The following TNXB variants were observed in gnomAD, a reference collection of about 807,000 sequenced individuals.
The protein encoded by TNXB is tenascin-X.
Under a neutral mutation model 340.5 loss-of-function variants are expected in TNXB, and 183 were observed. The observed-to-expected ratio is 0.54, with a 90% CI of 0.48 to 0.61. The LOEUF (loss-of-function observed/expected upper bound fraction) is 0.61, where lower values mean the gene tolerates loss of function less well. Among genes scored for constraint, TNXB ranks in the 20% least tolerant of loss-of-function variants. TNXB has a pLI of 0.00. For synonymous variants in TNXB, 2,121 were observed against 2,314.5 expected (o/e 0.92, Z 2.40); for missense variants, 4,613 against 5,446.4 (o/e 0.85, Z 4.82).
chr6:32,086,596 G>A (rs1042291653), intron 6 of TNXB, among the ~76,000 whole-genome samples: 1 of 152,160 alleles, frequency 6.6e-6, no homozygotes, highest in Admixed American at 6.5e-5. Flanking sequence ...TGGGCCCTAT[G>A]GGGGAAGAAG....
In TNXB at chr6:32,088,958, C is replaced by T. The variant is rs369269279; in HGVS notation, c.2606G>A (p.Arg869Gln). ...GGCACTGACGTAGGACACCACAAATCGGTCCACCTCAGCCTGGGGACGCAG... is the reference window on the plus strand; with the variant it reads ...GGCACTGACGTAGGACACCACAAATTGGTCCACCTCAGCCTGGGGACGCAG... ...GWLRPQAEVD[R>Q]FVVSYVSAGN... The change falls in exon 6 of 44, where the codon CGA (arginine) becomes CAA (glutamine). Residue 869 changes from arginine to glutamine, a missense_variant. Coordinates refer to ENST00000644971, the MANE Select transcript of TNXB (RefSeq NM_001365276.2). 9 of 1,609,170 alleles carry T rather than the reference C, an allele frequency of 5.6e-6. No individual in the cohort carries two copies. Among genetic ancestry groups the T allele is most frequent in the African/African-American group, 4.0e-5 (3 of 74,860 alleles).
In TNXB at chr6:32,074,371, C is replaced by T. The variant is rs1254506722; in HGVS notation, c.4376-419G>A. On this transcript the variant is annotated intron_variant, in intron 11 of 43. Coordinates refer to ENST00000644971, the MANE Select transcript of TNXB (RefSeq NM_001365276.2). This position sits in a 1 kb window ranked among gnomAD's most constrained non-coding sequence, Gnocchi z 5.5. ...CCGCATGATGGTTTTGATGTAAAAGCGCATTGATCTGAACATCTGTCTGGT... is the reference window on the plus strand; with the variant it reads ...CCGCATGATGGTTTTGATGTAAAAGTGCATTGATCTGAACATCTGTCTGGT... Among the ~76,000 whole-genome samples, 1 of 152,166 alleles carries T rather than the reference C, an allele frequency of 6.6e-6. No individual in the cohort carries two copies. The highest frequency in any genetic ancestry group is 1.9e-4 in the East Asian group (1 of 5,190).
At position 32,086,066 on chromosome 6, in the gene TNXB, G is replaced by T; in HGVS notation, c.2832C>A (p.Gly944=). 1 of 1,586,492 alleles carries T rather than the reference G, an allele frequency of 6.3e-7. No homozygotes were observed. The highest frequency in any genetic ancestry group is 1.8e-5 in the Admixed American group (1 of 56,752). ...LGTTDEPPPS[G]PSTTQGAQAP... is the part of the protein sequence containing the mutation. The stretch of plus-strand genomic sequence containing the variant: ...CCTGGGCCCCTTGCGTCGTCGAGGG[G>T]CCTGAGGGAGGAGGCTCATCGGTAG... Residue 944 remains glycine (G), a synonymous_variant, in exon 7 of 44, where the codon GGC becomes GGA. Transcript: ENST00000644971.
Position 32,096,768 on chromosome 6 carries a change from C to A in TNXB, c.1085G>T (p.Gly362Val). The A allele has an allele frequency of 6.4e-7, 1 of 1,563,570 alleles. No individual in the cohort carries two copies. The highest frequency in any genetic ancestry group is 8.7e-7 in the Non-Finnish European group (1 of 1,155,680). Residue 362 changes from glycine (G) to valine (V), a missense_variant, in exon 3 of 44, where the codon GGG becomes GTG. Physicochemically the swap from Gly to Val is moderately radical, Grantham distance 109. This residue lies in a region of TNXB where 4,327 missense variants were observed against 4,859.4 expected (regional missense o/e 0.89). Transcript: ENST00000644971. ...CGTGCTGCAGTCCTCGCCTGTGTAC[C>A]CGGGCCAGCACACGCAGCGGCCGTC... Reference protein sequence around the residue: ...CVDGRCVCWPGYTGEDCSTRT... With the variant: ...CVDGRCVCWPVYTGEDCSTRT...
Position 32,082,411 on chromosome 6 carries a change from G to A in TNXB, c.3446-85C>T. ...AATCCCACATAGGAATGCTGTGTGA[G>A]GCTGTGCAGGTTGTTCACTGCACAA... On this transcript the variant is annotated intron_variant, in intron 8 of 43. Coordinates refer to ENST00000644971, the MANE Select transcript of TNXB (RefSeq NM_001365276.2). This position sits in a 1 kb window ranked among gnomAD's most constrained non-coding sequence, Gnocchi z 5.0. 1.9e-5 allele frequency: 26 copies of A among 1,378,370 alleles called. No homozygotes were observed. The highest frequency in any genetic ancestry group is 2.5e-5 in the Non-Finnish European group (25 of 1,015,328). 85.4% of individuals were successfully genotyped at this position (1,378,370 alleles called of 1,614,324 possible). A position where few individuals can be genotyped will look rare whatever the true frequency, so the allele number is the denominator to read the frequency against.
chr6:32,073,956 G>C lies in TNXB; in HGVS notation c.4376-4C>G, dbSNP rs557978929. The C allele has an allele frequency of 7.6e-6, 12 of 1,582,234 alleles. No individual in the cohort carries two copies. The highest frequency in any genetic ancestry group is 9.5e-6 in the Non-Finnish European group (11 of 1,160,734). ...GGGGTCTCTTCTTGTTGTGGGGCTG[G>C]GACAGAGATGGTAGGGGGCTGTTAG... On this transcript the variant is annotated splice_region_variant and splice_polypyrimidine_tract_variant and intron_variant, in intron 11 of 43. Transcript: ENST00000644971. The surrounding 1 kb of genome is among the most constrained non-coding windows in gnomAD (Gnocchi z 4.6).
chr6:32,066,795 C>A (rs547750369), intron 18 of TNXB, among the ~76,000 whole-genome samples: 3 of 152,088 alleles, frequency 2.0e-5, no homozygotes, highest in Non-Finnish European at 4.4e-5. Context: ...ACATTCAGGC[C>A]GGGTGTGGCG....
In TNXB at chr6:32,065,084, G is replaced by T; in HGVS notation, c.6578C>A (p.Ala2193Glu). The T allele has an allele frequency of 1.3e-6, 2 of 1,591,418 alleles. No homozygotes were observed. Among genetic ancestry groups the T allele is most frequent in the East Asian group, 4.5e-5 (2 of 44,344 alleles). Reference protein sequence around the residue: ...PEEESPDAPLAKLRLGQMTVR... With the variant: ...PEEESPDAPLEKLRLGQMTVR... The stretch of plus-strand genomic sequence containing the variant: ...TGTCATCTGCCCTAGGCGCAGCTTT[G>T]CAAGAGGAGCATCAGGGGACTCCTC... The change falls in exon 19 of 44, where the codon GCA becomes GAA. Residue 2193 changes from alanine (A) to glutamate (E), a missense_variant. Around this residue, in one of 7 missense-constraint regions of TNXB, gnomAD observed 4,327 missense variants for 4,859.4 expected, o/e 0.89. Coordinates refer to ENST00000644971, the MANE Select transcript of TNXB (RefSeq NM_001365276.2).
intron 35 of TNXB, 91 bp downstream of exon 35, chr6:32,043,658 C>T (rs1351023349): frequency 1.4e-4 from 228 of 1,593,540 alleles, no homozygotes; most frequent in Non-Finnish European, 1.9e-4. Context: ...GCCTCCACCA[C>T]CTCCCTTTCA....
intron 43 of TNXB, 77 bp downstream of exon 43, chr6:32,041,694 T>C: frequency 9.3e-7 from 1 of 1,078,864 alleles, no homozygotes; most frequent in East Asian, 2.5e-5. Context: ...GTCCCTTGCC[T>C]GTTACACTGT....
chr6:32,065,849 C>A (rs1778307427), intron 18 of TNXB, among the ~76,000 whole-genome samples: 1 of 151,920 alleles, frequency 6.6e-6, no homozygotes, highest in African/African-American at 2.4e-5. Context: ...GGGGTTTCAC[C>A]ATGTTGGTCA....
intron 28 of TNXB, among the ~76,000 whole-genome samples, chr6:32,048,987 T>C (rs1489818961): frequency 6.6e-6 from 1 of 152,162 alleles, no homozygotes; most frequent in African/African-American, 2.4e-5. Context: ...GCCACTAAAA[T>C]ACTCCTTAAG....
At position 32,068,941 on chromosome 6, in the gene TNXB, C is replaced by T. The variant is rs768500765; in HGVS notation, c.5783G>A (p.Gly1928Glu). The T allele has an allele frequency of 1.2e-6, 2 of 1,612,918 alleles. No homozygotes were observed. The change falls in exon 16 of 44, where the codon GGA (glycine) becomes GAA (glutamate). Residue 1928 changes from glycine (G) to glutamate (E), a missense_variant. Coordinates refer to ENST00000644971, the MANE Select transcript of TNXB (RefSeq NM_001365276.2). This position sits in a 1 kb window ranked among gnomAD's most constrained non-coding sequence, Gnocchi z 5.3. ...GAGGGTGATGTCATTCCGGTCACCT[C>T]CTATGCGGACCATTTGGAGTTGCCC... ...RDGQLQMVRI[G>E]GDRNDITLSG...
At position 32,067,523 on chromosome 6, in the gene TNXB, C is replaced by T; in HGVS notation, c.6544+138G>A. On this transcript the variant is annotated intron_variant, in intron 18 of 43. Coordinates refer to ENST00000644971, the MANE Select transcript of TNXB (RefSeq NM_001365276.2). The surrounding 1 kb of genome is among the most constrained non-coding windows in gnomAD (Gnocchi z 4.2). ...GGATTTGCTCTCTCTGTCCCCAGAT[C>T]ACACCTGTCCTGAGCCTTTAGTGAA... 8.1e-7 allele frequency: 1 copy of T among 1,235,164 alleles called. No homozygotes were observed. Among genetic ancestry groups the T allele is most frequent in the Non-Finnish European group, 1.1e-6 (1 of 924,444 alleles). 76.5% of individuals were successfully genotyped at this position (1,235,164 alleles called of 1,614,324 possible).
Position 32,096,471 on chromosome 6 carries a change from C to T in TNXB, c.1382G>A (p.Cys461Tyr), listed in dbSNP as rs1780379639. Residue 461 changes from cysteine (C) to tyrosine (Y), a missense_variant, in exon 3 of 44, where the codon TGC (cysteine) becomes TAC (tyrosine). Cys to Tyr is a radical substitution (Grantham distance 194). Coordinates refer to ENST00000644971, the MANE Select transcript of TNXB (RefSeq NM_001365276.2). The part of the protein sequence containing the change: ...VCNAGYSGED[C>Y]GVRSCPGDCR... ...GTCCCCAGGACAGCTGCGCACACCG[C>T]AGTCCTCGCCGCTGTAGCCCGCATT... is the stretch of plus-strand genomic sequence containing the variant. The T allele has an allele frequency of 6.2e-7, 1 of 1,600,098 alleles. No homozygotes were observed. The highest frequency in any genetic ancestry group is 2.2e-5 in the East Asian group (1 of 44,830).
chr6:32,067,132 G>GAGAAAGA lies in TNXB; in HGVS notation c.6544+528_6544+529insTCTTTCT, dbSNP rs1778400274. Among the ~76,000 whole-genome samples the GAGAAAGA allele has an allele frequency of 8.5e-6, 1 of 117,996 alleles. No individual in the cohort carries two copies. The highest frequency in any genetic ancestry group is 1.7e-5 in the Non-Finnish European group (1 of 57,314). 77.4% of individuals were successfully genotyped at this position (117,996 alleles called of 152,430 possible). A position where few individuals can be genotyped will look rare whatever the true frequency, so the allele number is the denominator to read the frequency against. ...AAGAAAGAGAAAGAAAGAAAGGAAG[G>GAGAAAGA]AAGAAAGAAAGAAAGAAAGAAAGAA... On this transcript the variant is annotated intron_variant, in intron 18 of 43. Coordinates refer to ENST00000644971, the MANE Select transcript of TNXB (RefSeq NM_001365276.2). This position sits in a 1 kb window ranked among gnomAD's most constrained non-coding sequence, Gnocchi z 4.2.
Position 32,083,599 on chromosome 6 carries a change from C to T in TNXB, c.3445+814G>A, listed in dbSNP as rs546383352. Among the ~76,000 whole-genome samples the T allele has an allele frequency of 9.2e-5, 14 of 152,258 alleles. No homozygotes were observed. Among genetic ancestry groups the T allele is most frequent in the Admixed American group, 7.8e-4 (12 of 15,292 alleles). ...CTGCCTGGTACACCTTGCTTTCCTT[C>T]GCCTCCCCCATCCAGCCCCACTGCC... On this transcript the variant is annotated intron_variant, in intron 8 of 43. Transcript: ENST00000644971. This position sits in a 1 kb window ranked among gnomAD's most constrained non-coding sequence, Gnocchi z 4.6.
rs1265815115 is a variant in TNXB, at chr6:32,047,989, G to A, written c.10069C>T (p.Arg3357Cys). The A allele has an allele frequency of 3.7e-6, 6 of 1,609,392 alleles. No individual in the cohort carries two copies. The highest frequency in any genetic ancestry group is 1.3e-5 in the African/African-American group (1 of 74,886). ...TCTGTCACAGTCAGCTCCCCCAGGCGGGGAGACGGTTTGGTGTCTGGGGCT... is the reference window on the plus strand; with the variant it reads ...TCTGTCACAGTCAGCTCCCCCAGGCAGGGAGACGGTTTGGTGTCTGGGGCT... Reference protein sequence around the residue: ...RTAPDTKPSPRLGELTVTDAT... With the variant: ...RTAPDTKPSPCLGELTVTDAT... The change falls in exon 30 of 44, where the codon CGC (arginine) becomes TGC (cysteine). Residue 3357 changes from arginine (R) to cysteine (C), a missense_variant. This residue lies in a region of TNXB where 4,327 missense variants were observed against 4,859.4 expected (regional missense o/e 0.89). Transcript: ENST00000644971. This position sits in a 1 kb window ranked among gnomAD's most constrained non-coding sequence, Gnocchi z 6.2.
chr6:32,053,654 G>A lies in TNXB; in HGVS notation c.8525C>T (p.Pro2842Leu), dbSNP rs1057524738. The A allele has an allele frequency of 4.3e-6, 7 of 1,613,372 alleles. No homozygotes were observed. The highest frequency in any genetic ancestry group is 2.2e-5 in the South Asian group (2 of 91,072). ...CAGCTCCCCGAGGCGAGGCTTGTTG[G>A]GGGGCTCAGGGGTTGTGGTGGGCAC... is the stretch of plus-strand genomic sequence containing the variant. The part of the protein sequence containing the change: ...QAVPTTTPEP[P>L]NKPRLGELTV... Residue 2842 changes from proline (P) to leucine (L), a missense_variant, in exon 25 of 44, where the codon CCC becomes CTC. Pro to Leu is a moderately conservative substitution (Grantham distance 98). This residue lies in a region of TNXB where 4,327 missense variants were observed against 4,859.4 expected (regional missense o/e 0.89). Transcript: ENST00000644971.
Sources: gnomAD v4.1 joint callset for allele counts (sites outside exome capture counted in the v4.1 genomes callset) on GRCh38, gnomAD v4.1.1 for gene constraint, gnomAD v4.1.1 regional missense constraint, Gnocchi (gnomAD v3.1) non-coding constraint, MANE v1.5 for transcripts, NCBI Gene and HGNC (gene_info 2026-07-23, HGNC 2026-07-21) for gene names.